Variants in EFCAB6 observed in about 807,000 individuals in gnomAD.
EFCAB6 encodes EF-hand calcium binding domain 6.
A neutral mutation model predicts 169.8 loss-of-function variants in EFCAB6; 156 were observed. That is an observed-to-expected ratio of 0.92 (90% CI 0.81 to 1.05). EFCAB6 has a LOEUF of 1.05. Among genes scored for constraint, EFCAB6 ranks in the 50% least tolerant of loss-of-function variants. The pLI is 0.00. For missense variants in EFCAB6, 1,800 were observed against 1,829.1 expected, an observed-to-expected ratio of 0.98 and a Z score of 0.29; for synonymous variants, 698 against 676.4, an observed-to-expected ratio of 1.03 and a Z score of -0.50.
chr22:43,737,743 G>A (rs575152561), intron 6 of EFCAB6, among the ~76,000 whole-genome samples: 1 of 132,806 alleles, frequency 7.5e-6, no homozygotes, highest in Admixed American at 7.5e-5. Flanking sequence ...ACACACACAT[G>A]CACAGATACA....
chr22:43,783,494 C>G (rs940575153), intron 2 of EFCAB6, among the ~76,000 whole-genome samples: 11 of 152,262 alleles, frequency 7.2e-5, no homozygotes, highest in African/African-American at 1.9e-4. Context: ...TATAAACTGC[C>G]TAGCTAAGTG....
At chr22:43,771,295 G>A (rs1245899744) in intron 4 of EFCAB6, among the ~76,000 whole-genome samples, 1 of 152,112 alleles carries the variant, frequency 6.6e-6, no homozygotes, top group Non-Finnish European at 1.5e-5. Flanking sequence ...GCTGGGCATG[G>A]TGGCACATGC....
intron 27 of EFCAB6, among the ~76,000 whole-genome samples, chr22:43,542,967 C>G (rs773081383): frequency 1.3e-5 from 2 of 152,156 alleles, no homozygotes; most frequent in African/African-American, 4.8e-5. Flanking sequence ...CTTGAGCCAC[C>G]AGCTGAACCC....
At chr22:43,651,746 C>T (rs1033299331) in intron 17 of EFCAB6, among the ~76,000 whole-genome samples, 6 of 152,248 alleles carry the variant, frequency 3.9e-5, no homozygotes, top group Admixed American at 3.3e-4. Flanking sequence ...CATGGGAACC[C>T]ACCTCTTACA....
At chr22:43,765,168 A>G in intron 5 of EFCAB6, 137 bp downstream of exon 5, 1 of 574,720 alleles carries the variant, frequency 1.7e-6, no homozygotes, top group Non-Finnish European at 3.1e-6. Flanking sequence ...AATTCCATTA[A>G]ATTCCATATG....
chr22:43,805,019 G>C (rs2062866885), intron 2 of EFCAB6, among the ~76,000 whole-genome samples: 1 of 152,196 alleles, frequency 6.6e-6, no homozygotes, highest in African/African-American at 2.4e-5. Flanking sequence ...GTTCAGTAAA[G>C]TTGCAGAATG....
intron 6 of EFCAB6, among the ~76,000 whole-genome samples, chr22:43,742,762 G>C (rs1241380675): frequency 6.6e-6 from 1 of 152,252 alleles, no homozygotes; most frequent in African/African-American, 2.4e-5. Flanking sequence ...GTGAGCAGGT[G>C]CTGCCCTCCC....
At chr22:43,794,647 A>G (rs1469681157) in intron 2 of EFCAB6, among the ~76,000 whole-genome samples, 6 of 152,226 alleles carry the variant, frequency 3.9e-5, no homozygotes, top group African/African-American at 1.4e-4. Flanking sequence ...ACAATTCTGC[A>G]ACCTACTCAA....
At chr22:43,540,522 C>G in intron 27 of EFCAB6, 165 bp from the exon 28 acceptor site, 1 of 1,530,970 alleles carries the variant, frequency 6.5e-7, no homozygotes, top group Non-Finnish European at 8.7e-7. Context: ...GGCCTTCGCT[C>G]GGCGGAGGCC....
intron 21 of EFCAB6, 39 bp downstream of exon 21, chr22:43,615,787 A>T: frequency 6.4e-7 from 1 of 1,554,048 alleles, no homozygotes; most frequent in African/African-American, 1.4e-5. Context: ...ACATTGAAAT[A>T]GATTTTCTTT....
chr22:43,564,406 C>A (rs2049284983), intron 26 of EFCAB6, among the ~76,000 whole-genome samples: 1 of 151,688 alleles, frequency 6.6e-6, no homozygotes, highest in Non-Finnish European at 1.5e-5. Flanking sequence ...CAAGACTGTG[C>A]CACTGCACTC....
intron 23 of EFCAB6, among the ~76,000 whole-genome samples, chr22:43,595,472 G>A (rs1190859724): frequency 1.3e-5 from 2 of 152,082 alleles, no homozygotes; most frequent in Admixed American, 6.6e-5. Flanking sequence ...TATCATTAGA[G>A]ACTGCTATGA....
At chr22:43,578,123 T>C (rs1427282919) in intron 25 of EFCAB6, among the ~76,000 whole-genome samples, 1 of 152,140 alleles carries the variant, frequency 6.6e-6, no homozygotes, top group African/African-American at 2.4e-5. Flanking sequence ...GACAAGTCCA[T>C]TTCCCCTTCC....
At chr22:43,552,146 T>C (rs1306223368) in intron 27 of EFCAB6, 1 of 152,204 alleles carries the variant, frequency 6.6e-6, no homozygotes, top group Non-Finnish European at 1.5e-5. Flanking sequence ...TTCCTTTTTA[T>C]GGCTGCATAG....
Position 43,812,169 on chromosome 22 carries a change from G to A in EFCAB6, c.-146C>T, listed in dbSNP as rs2063155572. The A allele has an allele frequency of 6.9e-6, 1 of 144,144 alleles. No homozygotes were observed. Among genetic ancestry groups the A allele is most frequent in the Admixed American group, 6.9e-5 (1 of 14,564 alleles). 8.9% of individuals were successfully genotyped at this position (144,144 alleles called of 1,614,324 possible). ...TGGCCACCCCGAATACAGCCTTACC[G>A]GGAACCCCTCCTCGATTCTCCGCCT... On this transcript the variant is annotated splice_region_variant and 5_prime_UTR_variant, in exon 1 of 32. Coordinates refer to ENST00000262726, the MANE Select transcript of EFCAB6 (RefSeq NM_022785.4).
chr22:43,548,281 T>C (rs1003865175), intron 27 of EFCAB6, among the ~76,000 whole-genome samples: 33 of 152,226 alleles, frequency 2.2e-4, no homozygotes, highest in African/African-American at 7.9e-4. Flanking sequence ...CTCATGTCTA[T>C]AATCCCAGCC....
At chr22:43,672,992 T>C (rs1179405357) in intron 13 of EFCAB6, among the ~76,000 whole-genome samples, 1 of 152,206 alleles carries the variant, frequency 6.6e-6, no homozygotes, top group African/African-American at 2.4e-5. Flanking sequence ...AACGAGATGG[T>C]ATTTTTGCCT....
intron 10 of EFCAB6, among the ~76,000 whole-genome samples, chr22:43,693,288 T>C (rs1197591805): frequency 6.6e-6 from 1 of 152,000 alleles, no homozygotes; most frequent in Non-Finnish European, 1.5e-5. Flanking sequence ...TGACAAGTCA[T>C]GTTGACTCTA....
intron 10 of EFCAB6, among the ~76,000 whole-genome samples, chr22:43,704,741 C>G (rs557794072): frequency 6.6e-6 from 1 of 151,672 alleles, no homozygotes; most frequent in African/African-American, 2.4e-5. Flanking sequence ...AACAACAAAA[C>G]AAAAATCTAT....
Sources: gnomAD v4.1 joint callset for allele counts (sites outside exome capture counted in the v4.1 genomes callset) on GRCh38, gnomAD v4.1.1 for gene constraint, MANE v1.5 for transcripts, NCBI Gene and HGNC (gene_info 2026-07-23, HGNC 2026-07-21) for gene names.